MSH3: variants seen among roughly 807,000 people sequenced by gnomAD.
The protein encoded by MSH3 is mutS homolog 3.
In MSH3, 106 loss-of-function variants were observed where a neutral mutation model predicts 123.3. The observed-to-expected ratio is 0.86, with a 90% CI of 0.73 to 1.01. MSH3 has a LOEUF of 1.01. Ranked by LOEUF, MSH3 falls within the 50% of genes least tolerant of loss-of-function variation. The pLI is 0.00. For synonymous variants in MSH3, 515 were observed against 481.4 expected, an observed-to-expected ratio of 1.07 and a Z score of -0.91; for missense variants, 1,459 against 1,347.6, an observed-to-expected ratio of 1.08 and a Z score of -1.29.
intron 8 of MSH3, among the ~76,000 whole-genome samples, chr5:80,719,543 C>T (rs1378407794): frequency 1.3e-5 from 2 of 152,222 alleles, no homozygotes; most frequent in African/African-American, 4.8e-5. Flanking sequence ...TATGTAAGTA[C>T]TCTGATTTTA....
chr5:80,843,328 G>A (rs1489640147), intron 20 of MSH3, among the ~76,000 whole-genome samples: 8 of 152,236 alleles, frequency 5.3e-5, no homozygotes, highest in South Asian at 2.1e-4. Context: ...GAGGATTTTC[G>A]CATTGATGTT....
chr5:80,844,265 A>C (rs374451696), intron 20 of MSH3, among the ~76,000 whole-genome samples: 18 of 152,186 alleles, frequency 1.2e-4, no homozygotes, highest in East Asian at 5.8e-4. Context: ...TCTGAGAGAC[A>C]GTTTGTTGTG....
chr5:80,851,399 A>G (rs2112103215), intron 20 of MSH3, among the ~76,000 whole-genome samples: 1 of 152,286 alleles, frequency 6.6e-6, no homozygotes, highest in African/African-American at 2.4e-5. Flanking sequence ...TACAATATAT[A>G]TATAGAATGT....
intron 8 of MSH3, among the ~76,000 whole-genome samples, chr5:80,705,300 A>G (rs1750695450): frequency 1.3e-5 from 2 of 152,162 alleles, no homozygotes; most frequent in Admixed American, 1.3e-4. Flanking sequence ...TTGGGATTAC[A>G]TGTGGATTTT....
chr5:80,682,819 ATTCT>A (rs1750000954), intron 8 of MSH3, among the ~76,000 whole-genome samples: 1 of 150,668 alleles, frequency 6.6e-6, no homozygotes, highest in Non-Finnish European at 1.5e-5. Context: ...GCTAGGTCTT[ATTCT>A]TTCTATTTTT....
At chr5:80,789,929 C>A (rs544956107) in intron 18 of MSH3, among the ~76,000 whole-genome samples, 1 of 152,176 alleles carries the variant, frequency 6.6e-6, no homozygotes, top group South Asian at 2.1e-4. Context: ...CAAATTAAAA[C>A]AATGGGATAA....
intron 20 of MSH3, among the ~76,000 whole-genome samples, chr5:80,846,468 G>C (rs1006495484): frequency 1.3e-5 from 2 of 152,176 alleles, no homozygotes; most frequent in African/African-American, 4.8e-5. Context: ...TAAGTCTGCA[G>C]ATGCTGTCTG....
intron 15 of MSH3, among the ~76,000 whole-genome samples, chr5:80,770,270 A>ATT (rs62892161): frequency 1.1e-4 from 16 of 144,094 alleles, no homozygotes; most frequent in Admixed American, 4.1e-4. Flanking sequence ...TTTCTACTAC[A>ATT]TTTTTTTTTT....
chr5:80,820,719 A>G (rs866440036), intron 20 of MSH3, among the ~76,000 whole-genome samples: 1 of 152,204 alleles, frequency 6.6e-6, no homozygotes, highest in Non-Finnish European at 1.5e-5. Context: ...AAAGTCATCA[A>G]ATTTCTATGT....
rs543472922 is a variant in MSH3 at position 80,870,675 on chromosome 5, C to T, written c.3131-2441C>T. On this transcript the variant is annotated intron_variant, in intron 22 of 23. Transcript: ENST00000265081. ...TTCTTTCCACCTCCCACTTCAGCAC[C>T]CACCCTTGGAAAGCTCTTATCTGTC... 2.0e-5 allele frequency among the ~76,000 whole-genome samples: 3 copies of T among 152,244 alleles called. No individual in the cohort carries two copies. The South Asian group carries it at 6.2e-4, about 32-fold the overall frequency.
chr5:80,722,791 T>C (rs1183321202), intron 8 of MSH3, among the ~76,000 whole-genome samples: 1 of 152,208 alleles, frequency 6.6e-6, no homozygotes, highest in African/African-American at 2.4e-5. Context: ...TCTAAATTAA[T>C]TCATTACATA....
At chr5:80,799,500 C>CTTTT (rs746348952) in intron 19 of MSH3, among the ~76,000 whole-genome samples, 624 of 32,324 alleles carry the variant, frequency 0.019, 107 homozygotes, top group South Asian at 0.039. Context: ...GAAGATAGCA[C>CTTTT]TTTTTTTTTT....
chr5:80,771,414 G>A (rs1233793479), intron 15 of MSH3, among the ~76,000 whole-genome samples: 1 of 151,462 alleles, frequency 6.6e-6, no homozygotes, highest in Non-Finnish European at 1.5e-5. Context: ...ACAGGCTGAA[G>A]TTGCTGTGAC....
At chr5:80,858,483 T>C (rs1355911219) in intron 21 of MSH3, among the ~76,000 whole-genome samples, 1 of 152,236 alleles carries the variant, frequency 6.6e-6, no homozygotes, top group African/African-American at 2.4e-5. Flanking sequence ...TTTTTAAGAA[T>C]GTGTTGTTTA....
In MSH3 at chr5:80,728,868, G is replaced by C. The variant is rs1408304849; in HGVS notation, c.1471G>C (p.Gly491Arg). ...VDIKGSQIIS[G>R]IVNLEKPVIC... ...TTTTCTAGGTTCTCAAATTATTTCT[G>C]GCATTGTTAACTTAGAGAAGCCTGT... Residue 491 changes from glycine (G) to arginine (R), a missense_variant, in exon 10 of 24, where the codon GGC (glycine) becomes CGC (arginine). Transcript: ENST00000265081. 6.3e-7 allele frequency: 1 copy of C among 1,594,136 alleles called. No homozygotes were observed. The highest frequency in any genetic ancestry group is 2.2e-5 in the East Asian group (1 of 44,684).
chr5:80,746,500 A>G, intron 12 of MSH3: 1 of 500,790 alleles, frequency 2.0e-6, no homozygotes, highest in South Asian at 1.5e-5. Flanking sequence ...TTTGATGTCT[A>G]AGTAGTTTGC....
chr5:80,667,326 A>T (rs1749594744), intron 3 of MSH3, among the ~76,000 whole-genome samples: 1 of 152,212 alleles, frequency 6.6e-6, no homozygotes. Context: ...ATGACATAAA[A>T]GTCATGGAAA....
At position 80,656,403 on chromosome 5, in the gene MSH3, C is replaced by G. The variant is rs371789397; in HGVS notation, c.238-8C>G. 1 of 1,613,762 alleles carries G rather than the reference C, an allele frequency of 6.2e-7. No individual in the cohort carries two copies. The highest frequency in any genetic ancestry group is 1.3e-5 in the African/African-American group (1 of 74,894). ...ATAACACATCATTTTCTAACCTTCC[C>G]GATATAGGCTACAGAAATTGACAGA... On this transcript the variant is annotated splice_polypyrimidine_tract_variant and splice_region_variant and intron_variant, in intron 1 of 23. Transcript: ENST00000265081.
chr5:80,685,794 T>C (rs1750076185), intron 8 of MSH3, among the ~76,000 whole-genome samples: 1 of 152,138 alleles, frequency 6.6e-6, no homozygotes. Context: ...CTTTTAGCTA[T>C]AAACTTCCCT....
Sources: allele counts gnomAD v4.1 joint callset (sites outside exome capture counted in the v4.1 genomes callset), GRCh38; gene constraint gnomAD v4.1.1; transcripts MANE v1.5; gene names NCBI Gene and HGNC (gene_info 2026-07-23, HGNC 2026-07-21).